Variants in OSTF1 observed in about 807,000 individuals in gnomAD.
OSTF1 encodes osteoclast-stimulating factor 1.
OSTF1 carries 27 observed loss-of-function variants against 37.2 expected under a neutral mutation model. The ratio of observed to expected loss-of-function variants is 0.73; its 90% CI spans 0.54 to 1.00. OSTF1 has a LOEUF of 1.00. Ranked by LOEUF, OSTF1 falls within the 50% of genes least tolerant of loss-of-function variation. The probability of loss-of-function intolerance (pLI) is 0.00; values close to 1 mark genes in which losing one functional copy is unlikely to be tolerated. For missense variants in OSTF1, 232 were observed against 253.8 expected (o/e 0.91, Z 0.58); for synonymous variants, 82 against 89.2 (o/e 0.92, Z 0.46).
At position 75,146,676 on chromosome 9, in the gene OSTF1, C is replaced by A; in HGVS notation, c.587-7C>A. On this transcript the variant is annotated splice_region_variant and splice_polypyrimidine_tract_variant and intron_variant, in intron 9 of 9. Coordinates refer to ENST00000346234, the MANE Select transcript of OSTF1 (RefSeq NM_012383.5). ...TATTTTGCTTTTTTCCCTCCTCTTTCTTTCAGATGCAGTTCGAACATTAAG... is the reference window on the plus strand; with the variant it reads ...TATTTTGCTTTTTTCCCTCCTCTTTATTTCAGATGCAGTTCGAACATTAAG... 6.2e-7 allele frequency: 1 copy of A among 1,603,426 alleles called. No homozygotes were observed. The highest frequency in any genetic ancestry group is 8.5e-7 in the Non-Finnish European group (1 of 1,173,296).
intron 9 of OSTF1, among the ~76,000 whole-genome samples, chr9:75,141,827 AGCCTCAAAC>A (rs1825949417): frequency 6.6e-6 from 1 of 152,174 alleles, no homozygotes; most frequent in Non-Finnish European, 1.5e-5. Flanking sequence ...AGCTCACTGC[AGCCTCAAAC>A]TCCTAGGCTC....
At chr9:75,112,238 GAAAT>G (rs1245709332) in intron 1 of OSTF1, among the ~76,000 whole-genome samples, 3 of 151,378 alleles carry the variant, frequency 2.0e-5, no homozygotes, top group African/African-American at 7.3e-5. Context: ...GCTCAAAATT[GAAAT>G]AAATATGATG....
At chr9:75,110,916 C>T (rs535882611) in intron 1 of OSTF1, among the ~76,000 whole-genome samples, 3 of 151,960 alleles carry the variant, frequency 2.0e-5, no homozygotes, top group Non-Finnish European at 2.9e-5. Context: ...GCTGGGGTCT[C>T]ATTGTGTTGC....
chr9:75,138,638 T>C (rs1463158436), intron 8 of OSTF1, among the ~76,000 whole-genome samples: 1 of 152,250 alleles, frequency 6.6e-6, no homozygotes, highest in Non-Finnish European at 1.5e-5. Context: ...TAATTAAAAA[T>C]AATTTCACAT....
chr9:75,140,845 G>A lies in OSTF1; in HGVS notation c.499G>A (p.Asp167Asn). 6.2e-7 allele frequency: 1 copy of A among 1,613,078 alleles called. No homozygotes were observed. The part of the protein sequence containing the change: ...QLLLAKGART[D>N]LRNIEKKLAF... Reference sequence around the variant, plus strand: ...CTTGTGTTGGGAAGGTGCTAGAACAGACTTAAGAAACATTGAGAAGAAGCT... The same window carrying A: ...CTTGTGTTGGGAAGGTGCTAGAACAAACTTAAGAAACATTGAGAAGAAGCT... The change falls in exon 9 of 10, where the codon GAC becomes AAC. Residue 167 changes from aspartate to asparagine, a missense_variant. Asp to Asn is a conservative substitution (Grantham distance 23). Coordinates refer to ENST00000346234, the MANE Select transcript of OSTF1 (RefSeq NM_012383.5).
Position 75,102,162 on chromosome 9 carries a change from A to G in OSTF1, c.34+13436A>G, listed in dbSNP as rs560544017. ...TTGTTTATTTTTGTTTTTTGTAGAGATGGGGTCTCGCTCTGTTGCCCAGGC... is the reference window on the plus strand; with the variant it reads ...TTGTTTATTTTTGTTTTTTGTAGAGGTGGGGTCTCGCTCTGTTGCCCAGGC... On this transcript the variant is annotated intron_variant, in intron 1 of 9. Coordinates refer to ENST00000346234, the MANE Select transcript of OSTF1 (RefSeq NM_012383.5). Among the ~76,000 whole-genome samples the G allele has an allele frequency of 1.8e-3, 281 of 152,200 alleles. 1 individual carries two copies. Among genetic ancestry groups the G allele is most frequent in the Non-Finnish European group, 3.4e-3 (229 of 68,016 alleles).
chr9:75,088,636 G>T lies in OSTF1; in HGVS notation c.-57G>T. On this transcript the variant is annotated 5_prime_UTR_variant, in exon 1 of 10. Coordinates refer to ENST00000346234, the MANE Select transcript of OSTF1 (RefSeq NM_012383.5). ...TGGGGTGCCCGGAGTGCCAGGTGGC[G>T]GGCAAGCGGTGGGCTTTTCGGCGGG... 6.4e-7 allele frequency: 1 copy of T among 1,572,288 alleles called. No individual in the cohort carries two copies. The highest frequency in any genetic ancestry group is 2.3e-5 in the East Asian group (1 of 42,712).
At chr9:75,115,079 G>A (rs1266712025) in intron 1 of OSTF1, among the ~76,000 whole-genome samples, 1 of 152,136 alleles carries the variant, frequency 6.6e-6, no homozygotes, top group Non-Finnish European at 1.5e-5. Flanking sequence ...TTTATAAGTT[G>A]TATGTATATT....
chr9:75,107,336 A>AT (rs999614857), intron 1 of OSTF1, among the ~76,000 whole-genome samples: 1 of 152,164 alleles, frequency 6.6e-6, no homozygotes, highest in Non-Finnish European at 1.5e-5. Flanking sequence ...TGATGACACT[A>AT]TTTTTTAGTA....
At chr9:75,104,863 G>A (rs894623791) in intron 1 of OSTF1, among the ~76,000 whole-genome samples, 1 of 152,130 alleles carries the variant, frequency 6.6e-6, no homozygotes, top group African/African-American at 2.4e-5. Context: ...TGAGTTTAAG[G>A]CTCTTTGCTG....
chr9:75,136,928 A>G (rs1162129048), intron 7 of OSTF1, among the ~76,000 whole-genome samples: 4 of 152,150 alleles, frequency 2.6e-5, no homozygotes, highest in Non-Finnish European at 4.4e-5. Context: ...GCAGTGGGGT[A>G]CGTAAAGGTA....
chr9:75,090,251 C>T (rs985810764), intron 1 of OSTF1, among the ~76,000 whole-genome samples: 9 of 151,724 alleles, frequency 5.9e-5, no homozygotes, highest in African/African-American at 1.7e-4. Flanking sequence ...TCTCTTCATG[C>T]GTATTAAATG....
intron 7 of OSTF1, among the ~76,000 whole-genome samples, chr9:75,135,243 AT>A (rs1825824323): frequency 6.6e-6 from 1 of 152,214 alleles, no homozygotes; most frequent in African/African-American, 2.4e-5. Flanking sequence ...TTCCCTTAGA[AT>A]TTTGAAGGCA....
At chr9:75,097,069 C>T (rs902823819) in intron 1 of OSTF1, among the ~76,000 whole-genome samples, 1 of 152,168 alleles carries the variant, frequency 6.6e-6, no homozygotes, top group Non-Finnish European at 1.5e-5. Flanking sequence ...GCTGGTTTTT[C>T]AGGCAAGGAA....
Position 75,146,713 on chromosome 9 carries a change from A to T in OSTF1, c.617A>T (p.Asp206Val). ...GTTCGAACATTAAGCAATGCCGAGG[A>T]CTATCTCGATGATGAAGACTCAGAT... ...DAVRTLSNAEDYLDDEDSD is the reference protein window; with the variant it reads ...DAVRTLSNAEVYLDDEDSD Residue 206 changes from aspartate to valine, a missense_variant, in exon 10 of 10, where the codon GAC (aspartate) becomes GTC (valine). Asp to Val is a radical substitution (Grantham distance 152). Coordinates refer to ENST00000346234, the MANE Select transcript of OSTF1 (RefSeq NM_012383.5). The T allele has an allele frequency of 6.2e-7, 1 of 1,611,112 alleles. No homozygotes were observed. Among genetic ancestry groups the T allele is most frequent in the Non-Finnish European group, 8.5e-7 (1 of 1,178,574 alleles).
chr9:75,143,058 G>A (rs1825968092), intron 9 of OSTF1, among the ~76,000 whole-genome samples: 1 of 151,694 alleles, frequency 6.6e-6, no homozygotes, highest in Non-Finnish European at 1.5e-5. Context: ...TCCTGCCTCA[G>A]CCTCCTGAGT....
At chr9:75,128,167 T>C (rs375780203) in intron 3 of OSTF1, among the ~76,000 whole-genome samples, 46 of 151,160 alleles carry the variant, frequency 3.0e-4, no homozygotes, top group African/African-American at 1.1e-3. Flanking sequence ...TGGATTTGAC[T>C]TTGAACTGAT....
intron 1 of OSTF1, among the ~76,000 whole-genome samples, chr9:75,117,168 T>G (rs1467587263): frequency 6.6e-6 from 1 of 152,230 alleles, no homozygotes; most frequent in Non-Finnish European, 1.5e-5. Flanking sequence ...ATAATTAGCA[T>G]TTCATCATCT....
chr9:75,120,736 C>A, intron 2 of OSTF1, among the ~76,000 whole-genome samples: 1 of 152,154 alleles, frequency 6.6e-6, no homozygotes, highest in East Asian at 1.9e-4. Context: ...ACTGCTTCAA[C>A]CTTTTATTTG....
Sources: allele counts gnomAD v4.1 joint callset (sites outside exome capture counted in the v4.1 genomes callset), GRCh38; gene constraint gnomAD v4.1.1; transcripts MANE v1.5; gene names NCBI Gene and HGNC (gene_info 2026-07-23, HGNC 2026-07-21).